The following RP1 variants were observed in gnomAD, a reference collection of about 807,000 sequenced individuals.
RP1 encodes oxygen-regulated protein 1.
Under a neutral mutation model 14.8 loss-of-function variants are expected in RP1, and 16 were observed. That is an observed-to-expected ratio of 1.08 (90% confidence interval 0.73 to 1.65). RP1 has a LOEUF of 1.65. Among genes scored for constraint, RP1 ranks in the 40% most tolerant of loss-of-function variants. The pLI, the probability that RP1 is intolerant of heterozygous loss-of-function variation, is 0.00. For synonymous variants in RP1, 876 were observed against 883.6 expected, an observed-to-expected ratio of 0.99 and a Z score of 0.15; for missense variants, 2,631 against 2,535.0, an observed-to-expected ratio of 1.04 and a Z score of -0.81.
chr8:54,774,385 T>G (rs577537305), downstream of RP1, among the ~76,000 whole-genome samples: 5 of 152,290 alleles, frequency 3.3e-5, no homozygotes, highest in East Asian at 9.7e-4. Flanking sequence ...AGCCTGAAAC[T>G]AGGTTAATGA....
chr8:54,690,470 T>C (rs1215305618), intron 12 of RP1, among the ~76,000 whole-genome samples: 1 of 152,050 alleles, frequency 6.6e-6, no homozygotes, highest in Non-Finnish European at 1.5e-5. Flanking sequence ...AAAGACCTCC[T>C]TTGTTTTAGA....
rs539987783 is a variant in RP1 at position 54,664,951 on chromosome 8, G to A, written c.1323+1101G>A. ...AACCTCAGCATCACACAATATACCC[G>A]GTTAACACACCTGCACATGTACTGC... On this transcript the variant is annotated intron_variant, in intron 7 of 22. Coordinates refer to the RP1 transcript ENST00000636932. 2.0e-4 allele frequency among the ~76,000 whole-genome samples: 31 copies of A among 152,112 alleles called. No individual in the cohort carries two copies. In the South Asian group the frequency reaches 3.1e-3, roughly 15 times the overall value.
chr8:54,842,590 A>G (rs561969543), intron 25 of RP1, among the ~76,000 whole-genome samples: 1 of 152,174 alleles, frequency 6.6e-6, no homozygotes, highest in Admixed American at 6.5e-5. Flanking sequence ...AGCTGTTATC[A>G]TGGGAACACT....
Position 54,626,161 on chromosome 8 carries a change from ATAAAT to A in RP1, c.2285_2289del (p.Leu762TyrfsTer17), listed in dbSNP as rs869320726. 1.9e-6 allele frequency: 3 copies of A among 1,612,362 alleles called. No individual in the cohort carries two copies. The highest frequency in any genetic ancestry group is 2.5e-6 in the Non-Finnish European group (3 of 1,179,114). On this transcript the variant is annotated frameshift_variant, in exon 4 of 4. Transcript: ENST00000220676. LOFTEE classifies it low-confidence loss of function (END_TRUNC). ...ACGATTTCCAAGAATTTCCATAGAA[ATAAAT>A]TAAATACTACTCAAAATTCCAAGGT...
intron 16 of RP1, among the ~76,000 whole-genome samples, chr8:54,723,856 G>C (rs898584760): frequency 5.3e-5 from 8 of 152,220 alleles, no homozygotes; most frequent in Middle Eastern, 3.4e-3. Flanking sequence ...GTTTTTAGAA[G>C]TATTTTAAGA....
At chr8:54,695,046 C>A (rs1309306654) in intron 12 of RP1, among the ~76,000 whole-genome samples, 3 of 152,174 alleles carry the variant, frequency 2.0e-5, no homozygotes, top group South Asian at 2.1e-4. Flanking sequence ...TTTCAAAGAA[C>A]ATGTTTATTT....
At chr8:54,819,303 TG>T (rs1178902661) in intron 24 of RP1, among the ~76,000 whole-genome samples, 7 of 152,044 alleles carry the variant, frequency 4.6e-5, no homozygotes, top group African/African-American at 1.7e-4. Flanking sequence ...AATTTTTGCT[TG>T]ATCTTTTTTA....
intron 1 of RP1, among the ~76,000 whole-genome samples, chr8:54,571,009 C>T (rs1586389882): frequency 6.6e-6 from 1 of 152,270 alleles, no homozygotes; most frequent in East Asian, 1.9e-4. Flanking sequence ...CTGTGACTGG[C>T]CGTCATCACA....
chr8:54,734,440 A>C, intron 17 of RP1: 1 of 1,083,564 alleles, frequency 9.2e-7, no homozygotes, highest in Non-Finnish European at 1.3e-6. Context: ...TGCTTGCTTC[A>C]CCCTACCCTG....
At chr8:54,611,767 T>C (rs1805598993), upstream of RP1, among the ~76,000 whole-genome samples, 1 of 152,174 alleles carries the variant, frequency 6.6e-6, no homozygotes, top group South Asian at 2.1e-4. Context: ...GTGTGCATTG[T>C]GACTTTTTCT....
chr8:54,680,224 A>T lies in RP1; in HGVS notation c.1717+291A>T, dbSNP rs573675994. Among the ~76,000 whole-genome samples, 5 of 152,346 alleles carry T rather than the reference A, an allele frequency of 3.3e-5. No individual in the cohort carries two copies. In the South Asian group the frequency reaches 1.0e-3, roughly 32 times the overall value. The stretch of plus-strand genomic sequence containing the variant: ...AAATAATTTGAGGGCCAGAGAAAAT[A>T]ACTAAAATATTATTCTATATTTCAG... On this transcript the variant is annotated intron_variant, in intron 12 of 22. Transcript: ENST00000636932.
At position 54,624,827 on chromosome 8, in the gene RP1, T is replaced by C. The variant is rs1213317379; in HGVS notation, c.945T>C (p.Ser315=). The change falls in exon 4 of 4, where the codon TCT becomes TCC. Residue 315 remains serine (S), a synonymous_variant. Coordinates refer to ENST00000220676, the MANE Select transcript of RP1 (RefSeq NM_006269.2). ...CTCAGAATTTACCAATATATCCTTC[T>C]GAAGATGATATTGAGAAATCAATTA... ...NDSQNLPIYP[S]EDDIEKSIIF... 6.2e-7 allele frequency: 1 copy of C among 1,613,666 alleles called. No homozygotes were observed. The highest frequency in any genetic ancestry group is 8.5e-7 in the Non-Finnish European group (1 of 1,179,914).
At chr8:54,867,207 T>C (rs1223605580) in intron 28 of RP1, among the ~76,000 whole-genome samples, 1 of 152,200 alleles carries the variant, frequency 6.6e-6, no homozygotes, top group African/African-American at 2.4e-5. Flanking sequence ...TACCTTACTA[T>C]AGTTTCGATT....
chr8:54,829,056 C>T (rs148237221), intron 24 of RP1, among the ~76,000 whole-genome samples: 342 of 151,922 alleles, frequency 2.3e-3, no homozygotes, highest in African/African-American at 7.8e-3. Flanking sequence ...CCATGCCGGG[C>T]TAATTTTTGT....
rs181998556 is a variant in RP1, at chr8:54,700,081, G to A, written c.1821+511G>A. ...ATTATTATTTGTATTTAACAGAAGA[G>A]GAACATGAAAAATAGGATTAAGTGA... On this transcript the variant is annotated intron_variant, in intron 13 of 22. Coordinates refer to the RP1 transcript ENST00000636932. Among the ~76,000 whole-genome samples the A allele has an allele frequency of 4.6e-3, 698 of 152,120 alleles. 2 individuals are homozygous for A. The highest frequency in any genetic ancestry group is 7.7e-3 in the Admixed American group (118 of 15,274).
intron 24 of RP1, among the ~76,000 whole-genome samples, chr8:54,786,108 T>A (rs74425201): frequency 0.038 from 5,709 of 152,220 alleles, 238 homozygotes; most frequent in African/African-American, 0.095. Flanking sequence ...CTTGCTGGTA[T>A]GGATTTAAGT....
chr8:54,647,273 G>T (rs1806569759), intron 3 of RP1, among the ~76,000 whole-genome samples: 1 of 151,926 alleles, frequency 6.6e-6, no homozygotes, highest in East Asian at 1.9e-4. Context: ...AAATTACCTG[G>T]GTGTGGTGGC....
At chr8:54,781,444 T>C (rs140468064) in intron 23 of RP1, among the ~76,000 whole-genome samples, 21 of 152,322 alleles carry the variant, frequency 1.4e-4, no homozygotes, top group Admixed American at 1.2e-3. Context: ...ATAAAATATC[T>C]GAAGTCATAT....
intron 24 of RP1, among the ~76,000 whole-genome samples, chr8:54,809,630 A>G (rs1810939866): frequency 6.6e-6 from 1 of 152,202 alleles, no homozygotes; most frequent in Admixed American, 6.5e-5. Context: ...TGTACTGTAA[A>G]GAAAATAAGA....
Sources: allele counts gnomAD v4.1 joint callset (sites outside exome capture counted in the v4.1 genomes callset), GRCh38; gene constraint gnomAD v4.1.1; transcripts MANE v1.5; gene names NCBI Gene and HGNC (gene_info 2026-07-23, HGNC 2026-07-21).